Variants in POU6F2 observed in about 807,000 individuals in gnomAD.
The protein encoded by POU6F2 is POU domain, class 6, transcription factor 2.
POU6F2 carries 31 observed loss-of-function variants against 71.3 expected under a neutral mutation model. The ratio of observed to expected loss-of-function variants is 0.43; its 90% CI spans 0.33 to 0.59. POU6F2 has a LOEUF of 0.59. Ranked by LOEUF, POU6F2 falls within the 20% of genes least tolerant of loss-of-function variation. The pLI, the probability that POU6F2 is intolerant of heterozygous loss-of-function variation, is 0.04. For synonymous variants in POU6F2, 347 were observed against 355.7 expected (o/e 0.98, Z 0.27); for missense variants, 783 against 856.8 (o/e 0.91, Z 1.07).
intron 5 of POU6F2, among the ~76,000 whole-genome samples, chr7:39,378,005 G>GC (rs1332130312): frequency 6.6e-6 from 1 of 152,076 alleles, no homozygotes; most frequent in Non-Finnish European, 1.5e-5. Flanking sequence ...CCAGCAATCT[G>GC]CCCCTCAAGG....
At position 39,213,639 on chromosome 7, in the gene POU6F2, T is replaced by C. The variant is rs567046560; in HGVS notation, c.598+6019T>C. Among the ~76,000 whole-genome samples, 93 of 152,336 alleles carry C rather than the reference T, an allele frequency of 6.1e-4. 2 individuals carry two copies. In the South Asian group the frequency reaches 0.019, roughly 32 times the overall value. On this transcript the variant is annotated intron_variant, in intron 4 of 9. Transcript: ENST00000518318. ...AATGGATTCATATTATATGTATTCT[T>C]TTGTGTCTGGCTTTTCTCATTCGGC...
intron 4 of POU6F2, among the ~76,000 whole-genome samples, chr7:39,221,790 A>G (rs1313519680): frequency 6.6e-6 from 1 of 152,214 alleles, no homozygotes; most frequent in Non-Finnish European, 1.5e-5. Flanking sequence ...AAAACAATAT[A>G]AAGCAAGAAG....
At chr7:39,315,570 C>T (rs1435990375) in intron 4 of POU6F2, among the ~76,000 whole-genome samples, 1 of 152,208 alleles carries the variant, frequency 6.6e-6, no homozygotes, top group Non-Finnish European at 1.5e-5. Flanking sequence ...CGGCAGGCAG[C>T]CTTACTATCT....
At chr7:39,269,011 A>G (rs567390383) in intron 4 of POU6F2, among the ~76,000 whole-genome samples, 3 of 152,332 alleles carry the variant, frequency 2.0e-5, no homozygotes, top group Non-Finnish European at 1.5e-5. Context: ...CAGCATAGCC[A>G]TGCATGAGCA....
intron 2 of POU6F2, among the ~76,000 whole-genome samples, chr7:39,186,746 C>T (rs1194954674): frequency 1.3e-5 from 2 of 152,206 alleles, no homozygotes; most frequent in East Asian, 1.9e-4. Context: ...GTCATCTCCC[C>T]TCCCGCAGAT....
intron 2 of POU6F2, among the ~76,000 whole-genome samples, chr7:39,090,030 C>T (rs796113531): frequency 9.2e-5 from 14 of 151,764 alleles, no homozygotes; most frequent in African/African-American, 3.4e-4. Flanking sequence ...AACTGCAAAA[C>T]CACGTATAAG....
At chr7:39,066,911 A>T (rs1790766119) in intron 1 of POU6F2, among the ~76,000 whole-genome samples, 1 of 147,918 alleles carries the variant, frequency 6.8e-6, no homozygotes, top group African/African-American at 2.4e-5. Context: ...ATATAATATC[A>T]TATTATTATA....
intron 4 of POU6F2, among the ~76,000 whole-genome samples, chr7:39,277,719 G>A (rs1000162719): frequency 6.6e-6 from 1 of 152,016 alleles, no homozygotes; most frequent in African/African-American, 2.4e-5. Context: ...AAGTGGTTAG[G>A]GGGAAATTTT....
chr7:39,334,781 G>A (rs1475651502), intron 4 of POU6F2, among the ~76,000 whole-genome samples: 1 of 152,184 alleles, frequency 6.6e-6, no homozygotes, highest in East Asian at 1.9e-4. Context: ...GGATGTTCAA[G>A]ATTCCTGTTT....
chr7:39,154,200 C>T (rs1792816819), intron 2 of POU6F2, among the ~76,000 whole-genome samples: 1 of 152,098 alleles, frequency 6.6e-6, no homozygotes, highest in African/African-American at 2.4e-5. Flanking sequence ...CCAGTCATTC[C>T]CACACTCTGT....
rs3216235 is a variant in POU6F2, at chr7:39,414,712, G to GCC, written c.1113+7978_1113+7979dup. ...GCCCCGCCCTCCATCCTTCTACCCC[G>GCC]CCCCCCCACCACATTTCTGAAATGA... On this transcript the variant is annotated intron_variant, in intron 6 of 9. Coordinates refer to ENST00000518318, the MANE Select transcript of POU6F2 (RefSeq NM_001370959.1). Among the ~76,000 whole-genome samples, 875 of 112,358 alleles carry GCC rather than the reference G, an allele frequency of 7.8e-3. 8 individuals are homozygous for GCC. The highest frequency in any genetic ancestry group is 0.042 in the East Asian group (191 of 4,558). 73.7% of individuals were successfully genotyped at this position (112,358 alleles called of 152,430 possible).
chr7:39,355,693 A>G (rs1289176230), intron 5 of POU6F2, among the ~76,000 whole-genome samples: 1 of 152,132 alleles, frequency 6.6e-6, no homozygotes, highest in African/African-American at 2.4e-5. Flanking sequence ...TCGCCCACAC[A>G]CACGTATCTT....
At chr7:39,191,219 C>T (rs932085078) in intron 2 of POU6F2, among the ~76,000 whole-genome samples, 1 of 152,122 alleles carries the variant, frequency 6.6e-6, no homozygotes, top group Non-Finnish European at 1.5e-5. Flanking sequence ...TTATAATTAG[C>T]GGCATGTCAT....
intron 1 of POU6F2, among the ~76,000 whole-genome samples, chr7:39,029,545 G>T (rs193118322): frequency 6.6e-6 from 1 of 152,006 alleles, no homozygotes; most frequent in East Asian, 1.9e-4. Flanking sequence ...CCTGTTATTT[G>T]GGTGATGGAT....
At chr7:39,125,000 C>T (rs1792114057) in intron 2 of POU6F2, among the ~76,000 whole-genome samples, 1 of 151,844 alleles carries the variant, frequency 6.6e-6, no homozygotes, top group Non-Finnish European at 1.5e-5. Context: ...TGTTAGATGT[C>T]CTTTAATATG....
At chr7:39,066,639 T>C (rs1302007610) in intron 1 of POU6F2, among the ~76,000 whole-genome samples, 1 of 151,328 alleles carries the variant, frequency 6.6e-6, no homozygotes, top group East Asian at 1.9e-4. Context: ...ATCTTCCTGA[T>C]AATAATAAAA....
chr7:39,262,186 G>C (rs971889335), intron 4 of POU6F2, among the ~76,000 whole-genome samples: 1 of 152,152 alleles, frequency 6.6e-6, no homozygotes, highest in East Asian at 1.9e-4. Flanking sequence ...GGTTCATAAG[G>C]TTCCTGTTTG....
intron 2 of POU6F2, among the ~76,000 whole-genome samples, chr7:39,162,640 C>T (rs1793020353): frequency 6.6e-6 from 1 of 152,128 alleles, no homozygotes; most frequent in Non-Finnish European, 1.5e-5. Flanking sequence ...GTCCACTTCA[C>T]CAGGGTGCTC....
In POU6F2 at chr7:39,401,774, G is replaced by A. The variant is rs191494369; in HGVS notation, c.973-4826G>A. ...CTCATTTGAAAACAATGACACCGTAGTCCCAGGGTTCTAAATTGAAAAGTT... is the reference window on the plus strand; with the variant it reads ...CTCATTTGAAAACAATGACACCGTAATCCCAGGGTTCTAAATTGAAAAGTT... On this transcript the variant is annotated intron_variant, in intron 5 of 9. Coordinates refer to ENST00000518318, the MANE Select transcript of POU6F2 (RefSeq NM_001370959.1). Among the ~76,000 whole-genome samples, 238 of 152,276 alleles carry A rather than the reference G, an allele frequency of 1.6e-3. 1 individual carries two copies. The highest frequency in any genetic ancestry group is 2.7e-3 in the Non-Finnish European group (183 of 68,026).
Sources: gnomAD v4.1 joint callset for allele counts (sites outside exome capture counted in the v4.1 genomes callset) on GRCh38, gnomAD v4.1.1 for gene constraint, MANE v1.5 for transcripts, NCBI Gene and HGNC (gene_info 2026-07-23, HGNC 2026-07-21) for gene names.